The following WDR11 variants were observed in gnomAD, a reference collection of about 807,000 sequenced individuals.
WDR11 encodes WD repeat domain 11, also known as WD repeat-containing protein 11.
WDR11 carries 83 observed loss-of-function variants against 151.2 expected under a neutral mutation model. The ratio of observed to expected loss-of-function variants is 0.55; its 90% CI spans 0.46 to 0.66. The LOEUF is 0.66. Ranked by LOEUF, WDR11 falls within the 30% of genes least tolerant of loss-of-function variation. The pLI is 0.00. For missense variants in WDR11, 1,301 were observed against 1,480.9 expected (o/e 0.88, Z 1.99); for synonymous variants, 484 against 533.1 (o/e 0.91, Z 1.27).
Position 120,908,719 on chromosome 10 carries a change from T to TAATA in WDR11, c.*10_*13dup, listed in dbSNP as rs756043208. ...AAGAACCCATTGAAGAGTGACAGCT[T>TAATA]AATAAATGCCAGGGAATCTGACCTG... On this transcript the variant is annotated 3_prime_UTR_variant, in exon 29 of 29. Coordinates refer to ENST00000263461, the MANE Select transcript of WDR11 (RefSeq NM_018117.12). 3 of 1,613,882 alleles carry TAATA rather than the reference T, an allele frequency of 1.9e-6. No homozygotes were observed. Among genetic ancestry groups the TAATA allele is most frequent in the East Asian group, 4.5e-5 (2 of 44,870 alleles).
At chr10:120,883,933 G>T (rs1179723831) in intron 14 of WDR11, 45 bp downstream of exon 14, 6 of 1,487,270 alleles carry the variant, frequency 4.0e-6, no homozygotes, top group Non-Finnish European at 5.6e-6. Flanking sequence ...AGGTATATAT[G>T]TATGTGGTGA....
Position 120,871,316 on chromosome 10 carries a change from A to G in WDR11, c.1441A>G (p.Ile481Val), listed in dbSNP as rs921551495. Residue 481 changes from isoleucine to valine, a missense_variant, in exon 10 of 29, where the codon ATC (isoleucine) becomes GTC (valine). Around this residue, in one of 3 missense-constraint regions of WDR11, gnomAD observed 692 missense variants for 762.5 expected, o/e 0.91. Transcript: ENST00000263461. ...GTGTCCACCGTTGACCACAAAAAACATCAAGATGTATCAGCCACTGCTGGC... is the reference window on the plus strand; with the variant it reads ...GTGTCCACCGTTGACCACAAAAAACGTCAAGATGTATCAGCCACTGCTGGC... ...RMCPPLTTKN[I>V]KMYQPLLAVG... 2 of 1,613,766 alleles carry G rather than the reference A, an allele frequency of 1.2e-6. No homozygotes were observed. The highest frequency in any genetic ancestry group is 2.7e-5 in the African/African-American group (2 of 74,808).
intron 5 of WDR11, among the ~76,000 whole-genome samples, chr10:120,863,849 C>G (rs1846220380): frequency 6.6e-6 from 1 of 152,092 alleles, no homozygotes; most frequent in Non-Finnish European, 1.5e-5. Flanking sequence ...AAGCCATAGG[C>G]TGGTTAAGTT....
At chr10:120,904,207 A>G in intron 24 of WDR11, 65 bp downstream of exon 24, 1 of 1,195,042 alleles carries the variant, frequency 8.4e-7, no homozygotes. Context: ...TTTCAGAGCA[A>G]TATATCTGTA....
chr10:120,904,886 G>A lies in WDR11; in HGVS notation c.3193+75G>A, dbSNP rs901828532. On this transcript the variant is annotated intron_variant, in intron 25 of 28. Transcript: ENST00000263461. ...TTCCCAGCAAAGTATCTGATTAGTA[G>A]GGACATTTCTTTCTCTTTTACATAT... is the stretch of plus-strand genomic sequence containing the variant. The A allele has an allele frequency of 1.7e-5, 26 of 1,536,606 alleles. No individual in the cohort carries two copies. In the East Asian group the frequency reaches 5.4e-4, roughly 32 times the overall value.
At chr10:120,900,462 C>T (rs570189180) in intron 20 of WDR11, among the ~76,000 whole-genome samples, 134 of 152,180 alleles carry the variant, frequency 8.8e-4, no homozygotes, top group African/African-American at 3.1e-3. Context: ...GAGCCGGGCA[C>T]GTTCTTTTTA....
intron 2 of WDR11, among the ~76,000 whole-genome samples, chr10:120,857,359 G>C (rs1845983979): frequency 6.6e-6 from 1 of 152,182 alleles, no homozygotes; most frequent in African/African-American, 2.4e-5. Flanking sequence ...AGCACTGCAA[G>C]TATTGATTTT....
intron 19 of WDR11, 115 bp downstream of exon 19, chr10:120,891,002 A>C: frequency 8.7e-7 from 1 of 1,152,924 alleles, no homozygotes; most frequent in Non-Finnish European, 1.3e-6. Flanking sequence ...TTTTCTTAGA[A>C]TCTGAGTTTA....
rs769121894 is a variant in WDR11 at position 120,851,456 on chromosome 10, G to A, written c.36G>A (p.Ala12=). ...ACACAGTGAACTTCAAGGTGTCGGC[G>A]CGCACCCTCACGGGGGCCCTCAACG... The part of the protein sequence containing the change: ...LPYTVNFKVS[A]RTLTGALNAH... Residue 12 remains alanine, a synonymous_variant, in exon 1 of 29, where the codon GCG becomes GCA. Transcript: ENST00000263461. 6.2e-7 allele frequency: 1 copy of A among 1,612,226 alleles called. No individual in the cohort carries two copies. Among genetic ancestry groups the A allele is most frequent in the Non-Finnish European group, 8.5e-7 (1 of 1,179,754 alleles).
At chr10:120,895,131 G>C (rs1750822392) in intron 19 of WDR11, among the ~76,000 whole-genome samples, 1 of 152,130 alleles carries the variant, frequency 6.6e-6, no homozygotes, top group African/African-American at 2.4e-5. Context: ...CTTTTCGTTT[G>C]TTCATTGATT....
Position 120,909,022 on chromosome 10 carries a change from G to T in WDR11, c.*309G>T. 1 of 349,332 alleles carries T rather than the reference G, an allele frequency of 2.9e-6. No individual in the cohort carries two copies. Among genetic ancestry groups the T allele is most frequent in the Non-Finnish European group, 5.4e-6 (1 of 186,450 alleles). 21.6% of individuals were successfully genotyped at this position (349,332 alleles called of 1,614,324 possible). A position where few individuals can be genotyped will look rare whatever the true frequency, so the allele number is the denominator to read the frequency against. On this transcript the variant is annotated 3_prime_UTR_variant, in exon 29 of 29. Transcript: ENST00000263461. The stretch of plus-strand genomic sequence containing the variant: ...TTAATTTTTTTAACTTAAAATTCAA[G>T]AGACTGAATCACTTTTCTCATTGAT...
chr10:120,867,198 T>G, intron 9 of WDR11, 29 bp downstream of exon 9: 1 of 1,530,854 alleles, frequency 6.5e-7, no homozygotes, highest in Non-Finnish European at 9.1e-7. Context: ...TAACTCCATG[T>G]TAAGTATTCT....
chr10:120,864,949 T>G, intron 5 of WDR11, 98 bp from the exon 6 acceptor site: 3 of 1,431,222 alleles, frequency 2.1e-6, no homozygotes, highest in Non-Finnish European at 2.9e-6. Flanking sequence ...TTGTACATTT[T>G]TATTGTCAAT....
intron 12 of WDR11, chr10:120,879,944 A>G (rs558793153): frequency 3.3e-5 from 5 of 152,346 alleles, no homozygotes; most frequent in Admixed American, 6.5e-5. Flanking sequence ...CTTTGCGGGT[A>G]ACTCATTCTT....
Position 120,858,741 on chromosome 10 carries a change from T to C in WDR11, c.297T>C (p.Asp99=). ...TCAATGGGAAGATCATCGTCTGGGATGTAGCAGCAGGAGTAGCTCAGTGTG... is the reference window on the plus strand; with the variant it reads ...TCAATGGGAAGATCATCGTCTGGGACGTAGCAGCAGGAGTAGCTCAGTGTG... ...ADVNGKIIVW[D]VAAGVAQCEI... Residue 99 remains aspartate (D), a synonymous_variant, in exon 3 of 29, where the codon GAT becomes GAC. Transcript: ENST00000263461. The C allele has an allele frequency of 6.2e-7, 1 of 1,614,202 alleles. No homozygotes were observed. Among genetic ancestry groups the C allele is most frequent in the Non-Finnish European group, 8.5e-7 (1 of 1,180,028 alleles).
rs74870997 is a variant in WDR11 at position 120,904,077 on chromosome 10, G to A, written c.2962G>A (p.Glu988Lys). The A allele has an allele frequency of 2.6e-3, 4,250 of 1,613,316 alleles. 11 individuals carry two copies. The highest frequency in any genetic ancestry group is 3.3e-3 in the Non-Finnish European group (3,841 of 1,179,538). Residue 988 changes from glutamate (E) to lysine (K), a missense_variant, in exon 24 of 29, where the codon GAA (glutamate) becomes AAA (lysine). This residue lies in a region of WDR11 where 589 missense variants were observed against 670.6 expected (regional missense o/e 0.88). Transcript: ENST00000263461. ...KFQLERVNLQEVKRSTYDHTR... is the reference protein window; with the variant it reads ...KFQLERVNLQKVKRSTYDHTR... ...TCAGCTAGAAAGGGTTAATCTGCAG[G>A]AAGTGAAACGGTCAACTTATGATCA...
intron 13 of WDR11, among the ~76,000 whole-genome samples, chr10:120,881,701 T>C (rs979043908): frequency 6.6e-6 from 1 of 152,170 alleles, no homozygotes; most frequent in South Asian, 2.1e-4. Context: ...TTTTCTGATA[T>C]TGACCTTGTG....
Position 120,890,042 on chromosome 10 carries a change from AAATT to A in WDR11, c.2343+34_2343+37del, listed in dbSNP as rs761287864. The A allele has an allele frequency of 2.1e-5, 30 of 1,459,172 alleles. No individual in the cohort carries two copies. In the African/African-American group the frequency reaches 2.6e-4, roughly 13 times the overall value. 90.4% of individuals were successfully genotyped at this position (1,459,172 alleles called of 1,614,324 possible). ...CTCTCCATGAGGATAAAACGTAAAT[AAATT>A]GTTAGCCATAGGAACTGTGCTTTGT... On this transcript the variant is annotated intron_variant, in intron 18 of 28. Coordinates refer to ENST00000263461, the MANE Select transcript of WDR11 (RefSeq NM_018117.12).
intron 19 of WDR11, 48 bp downstream of exon 19, chr10:120,890,935 C>T: frequency 1.3e-6 from 2 of 1,586,720 alleles, no homozygotes; most frequent in Non-Finnish European, 8.7e-7. Context: ...CTTTACTTTG[C>T]CACAAGCTCT....
Sources: allele counts gnomAD v4.1 joint callset (sites outside exome capture counted in the v4.1 genomes callset), GRCh38; gene constraint gnomAD v4.1.1; regional missense constraint gnomAD v4.1.1; transcripts MANE v1.5; gene names NCBI Gene and HGNC (gene_info 2026-07-23, HGNC 2026-07-21).